Variants in REV3L observed in about 807,000 individuals in gnomAD.
The protein encoded by REV3L is DNA polymerase zeta catalytic subunit.
REV3L carries 69 observed loss-of-function variants against 299.4 expected under a neutral mutation model. The ratio of observed to expected loss-of-function variants is 0.23; its 90% confidence interval spans 0.19 to 0.28. REV3L has a LOEUF of 0.28. Ranked by LOEUF, REV3L falls within the 10% of genes least tolerant of loss-of-function variation. The pLI, the probability that REV3L is intolerant of heterozygous loss-of-function variation, is 1.00. For missense variants in REV3L, 3,128 were observed against 3,693.8 expected, an observed-to-expected ratio of 0.85 and a Z score of 3.97; for synonymous variants, 1,238 against 1,271.4, an observed-to-expected ratio of 0.97 and a Z score of 0.56.
At position 111,372,685 on chromosome 6, in the gene REV3L, A is replaced by C; in HGVS notation, c.5670T>G (p.Ile1890Met). Reference sequence around the variant, plus strand: ...GGTCATGATCCAACAAAGTTGCCATAATTTCTTCCCTACTTGGGGGGGACA... The same window carrying C: ...GGTCATGATCCAACAAAGTTGCCATCATTTCTTCCCTACTTGGGGGGGACA... ...PLMSPPSREEIMATLLDHDLS... is the reference protein window; with the variant it reads ...PLMSPPSREEMMATLLDHDLS... Residue 1890 changes from isoleucine to methionine, a missense_variant, in exon 13 of 32, where the codon ATT becomes ATG. By Grantham distance (10) the Ile-to-Met change is conservative (BLOSUM62 1). This residue lies in a region of REV3L where 2,409 missense variants were observed against 2,611.8 expected (regional missense o/e 0.92). Coordinates refer to ENST00000368802, the MANE Select transcript of REV3L (RefSeq NM_001372078.1). 1 of 1,590,416 alleles carries C rather than the reference A, an allele frequency of 6.3e-7. No homozygotes were observed. Among genetic ancestry groups the C allele is most frequent in the Non-Finnish European group, 8.5e-7 (1 of 1,169,954 alleles).
intron 1 of REV3L, among the ~76,000 whole-genome samples, chr6:111,422,613 C>CATATATATATATAT (rs1216671579): frequency 1.4e-4 from 1 of 7,186 alleles, no homozygotes; most frequent in African/African-American, 4.6e-4. Flanking sequence ...TATATATATA[C>CATATATATATATAT]ACATATATAT....
chr6:111,428,519 A>T (rs1197795203), intron 1 of REV3L, among the ~76,000 whole-genome samples: 1 of 152,192 alleles, frequency 6.6e-6, no homozygotes, highest in Non-Finnish European at 1.5e-5. Flanking sequence ...AAATTTAACA[A>T]GAAGAGTGAA....
At chr6:111,397,318 T>C (rs1378778062) in intron 4 of REV3L, among the ~76,000 whole-genome samples, 2 of 152,186 alleles carry the variant, frequency 1.3e-5, no homozygotes, top group Non-Finnish European at 2.9e-5. Context: ...TCCATTTTCA[T>C]TGGTTTCAAG....
intron 2 of REV3L, 75 bp from the exon 3 acceptor site, chr6:111,411,629 T>C (rs1784259488): frequency 2.1e-6 from 2 of 964,050 alleles, no homozygotes; most frequent in African/African-American, 1.7e-5. Context: ...TTGCCCTAAT[T>C]AGATTCAGCT....
At chr6:111,413,402 C>A (rs1784449625) in intron 2 of REV3L, among the ~76,000 whole-genome samples, 2 of 151,876 alleles carry the variant, frequency 1.3e-5, no homozygotes, top group East Asian at 1.9e-4. Context: ...GTGTGGATAG[C>A]GAAAAATCTC....
intron 1 of REV3L, among the ~76,000 whole-genome samples, chr6:111,422,398 T>C (rs1225148606): frequency 1.3e-5 from 2 of 151,646 alleles, no homozygotes; most frequent in African/African-American, 4.8e-5. Flanking sequence ...TTGTTCTTTA[T>C]AGAAAAAGTT....
At chr6:111,425,721 G>A (rs1190161874) in intron 1 of REV3L, among the ~76,000 whole-genome samples, 3 of 152,084 alleles carry the variant, frequency 2.0e-5, no homozygotes, top group African/African-American at 7.2e-5. Flanking sequence ...AAGCCAAGGT[G>A]TTGGACTTAC....
chr6:111,359,645 T>C (rs1329361041), intron 16 of REV3L, among the ~76,000 whole-genome samples: 1 of 152,134 alleles, frequency 6.6e-6, no homozygotes, highest in Non-Finnish European at 1.5e-5. Context: ...TTCATGCTTA[T>C]TTTTCTATGC....
chr6:111,329,800 A>C, intron 24 of REV3L, 62 bp from the exon 25 acceptor site: 1 of 1,294,190 alleles, frequency 7.7e-7, no homozygotes, highest in Non-Finnish European at 1.1e-6. Context: ...ATAATTAAGA[A>C]GGAAGCATAA....
At chr6:111,349,157 T>C in intron 20 of REV3L, 61 bp downstream of exon 20, 1 of 876,094 alleles carries the variant, frequency 1.1e-6, no homozygotes, top group Non-Finnish European at 1.9e-6. Context: ...TCTATAATGA[T>C]TAAATCATTA....
Position 111,463,672 on chromosome 6 carries a change from T to G in REV3L, c.139+19078A>C, listed in dbSNP as rs552764916. On this transcript the variant is annotated intron_variant, in intron 1 of 31. Transcript: ENST00000368802. ...GATAGGTTCTTGGAAACCTAAACTT[T>G]AAGAAAAACTTTGTAGCAGATCTCC... 7.9e-5 allele frequency among the ~76,000 whole-genome samples: 12 copies of G among 152,340 alleles called. No individual in the cohort carries two copies. The South Asian group carries it at 2.3e-3, about 29-fold the overall frequency.
At chr6:111,429,937 C>T (rs780954164) in intron 1 of REV3L, among the ~76,000 whole-genome samples, 8 of 152,040 alleles carry the variant, frequency 5.3e-5, no homozygotes, top group Non-Finnish European at 8.8e-5. Context: ...CCGAACTCTC[C>T]GTGGGCAGCT....
intron 11 of REV3L, among the ~76,000 whole-genome samples, 160 bp downstream of exon 11, chr6:111,379,822 G>A (rs1780646961): frequency 6.6e-6 from 1 of 152,080 alleles, no homozygotes; most frequent in Non-Finnish European, 1.5e-5. Flanking sequence ...GGAATATGGA[G>A]TATACGCCAT....
intron 1 of REV3L, among the ~76,000 whole-genome samples, chr6:111,482,017 G>C (rs1793749363): frequency 6.6e-6 from 1 of 152,178 alleles, no homozygotes; most frequent in South Asian, 2.1e-4. Context: ...CCCATTAAGT[G>C]TGATGTTTTA....
intron 3 of REV3L, among the ~76,000 whole-genome samples, chr6:111,411,078 AAC>A (rs1428579706): frequency 2.1e-4 from 32 of 152,280 alleles, no homozygotes; most frequent in Middle Eastern, 3.4e-3. Flanking sequence ...ACATCTAGTA[AAC>A]AGTCAACAGG....
chr6:111,458,138 T>C (rs118081854), intron 1 of REV3L, among the ~76,000 whole-genome samples: 5,029 of 152,198 alleles, frequency 0.033, 122 homozygotes, highest in Middle Eastern at 0.095. Flanking sequence ...TGGTTCAACA[T>C]ATGCAAATCA....
intron 20 of REV3L, 94 bp from the exon 21 acceptor site, chr6:111,344,137 T>C (rs1776800325): frequency 1.4e-5 from 10 of 731,144 alleles, no homozygotes; most frequent in East Asian, 1.1e-4. Context: ...AAACTTTTCA[T>C]AGTAGATATT....
intron 1 of REV3L, among the ~76,000 whole-genome samples, chr6:111,471,794 A>G (rs190717564): frequency 2.6e-5 from 4 of 152,308 alleles, no homozygotes; most frequent in Non-Finnish European, 5.9e-5. Context: ...CACAATATCC[A>G]TTGTAACAGA....
chr6:111,402,768 AG>A (rs1783222056), intron 4 of REV3L, among the ~76,000 whole-genome samples: 1 of 152,190 alleles, frequency 6.6e-6, no homozygotes, highest in Non-Finnish European at 1.5e-5. Flanking sequence ...GTGATGGAAA[AG>A]AAAAAAAATT....
Sources: gnomAD v4.1 joint callset for allele counts (sites outside exome capture counted in the v4.1 genomes callset) on GRCh38, gnomAD v4.1.1 for gene constraint, gnomAD v4.1.1 regional missense constraint, MANE v1.5 for transcripts, NCBI Gene and HGNC (gene_info 2026-07-23, HGNC 2026-07-21) for gene names.